The following YAP1 variants were observed in gnomAD, a reference collection of about 807,000 sequenced individuals.
YAP1 encodes transcriptional coactivator YAP1.
In YAP1, 5 loss-of-function variants were observed where a neutral mutation model predicts 56.9. The ratio of observed to expected loss-of-function variants is 0.09; its 90% confidence interval spans 0.05 to 0.18. YAP1 has a LOEUF of 0.18. YAP1 is among the 10% of genes least tolerant of loss of function. The pLI is 1.00. For missense variants in YAP1, 539 were observed against 651.8 expected, an observed-to-expected ratio of 0.83 and a Z score of 1.88; for synonymous variants, 265 against 248.1, an observed-to-expected ratio of 1.07 and a Z score of -0.64.
chr11:102,141,441 A>G (rs1945017774), intron 2 of YAP1, among the ~76,000 whole-genome samples: 1 of 152,220 alleles, frequency 6.6e-6, no homozygotes, highest in Non-Finnish European at 1.5e-5. Flanking sequence ...TTAGGAGGCA[A>G]GGTGGGTGCA....
At chr11:102,148,074 T>G (rs1323372983) in intron 2 of YAP1, among the ~76,000 whole-genome samples, 1 of 152,232 alleles carries the variant, frequency 6.6e-6, no homozygotes, top group Non-Finnish European at 1.5e-5. Context: ...TTATTTAGAA[T>G]AATTAACACA....
At position 102,186,009 on chromosome 11, in the gene YAP1, G is replaced by A. The variant is rs757972279; in HGVS notation, c.689-9G>A. Reference sequence around the variant, plus strand: ...AACCATGATTTTTTTTTTTTTTTCTGTATTATAGGTCCTCTTCCTGATGGA... The same window carrying A: ...AACCATGATTTTTTTTTTTTTTTCTATATTATAGGTCCTCTTCCTGATGGA... On this transcript the variant is annotated splice_polypyrimidine_tract_variant and intron_variant, in intron 3 of 8. Transcript: ENST00000282441. The A allele has an allele frequency of 5.2e-6, 7 of 1,333,620 alleles. No homozygotes were observed. Among genetic ancestry groups the A allele is most frequent in the Non-Finnish European group, 6.8e-6 (7 of 1,027,566 alleles). The allele number at this position is 1,333,620 out of a possible 1,614,324, so 82.6% of individuals were successfully genotyped here.
At chr11:102,192,092 A>G (rs1193116107) in intron 4 of YAP1, among the ~76,000 whole-genome samples, 1 of 152,128 alleles carries the variant, frequency 6.6e-6, no homozygotes, top group Admixed American at 6.5e-5. Context: ...CTTTCCCTTT[A>G]CTAGTTTACT....
intron 2 of YAP1, among the ~76,000 whole-genome samples, chr11:102,161,345 T>TACACAC (rs34552492): frequency 0.013 from 1,841 of 141,208 alleles, 29 homozygotes; most frequent in African/African-American, 0.036. Context: ...GTACTTTCAC[T>TACACAC]ACACACACAC....
At chr11:102,128,545 G>A (rs2003357) in intron 2 of YAP1, among the ~76,000 whole-genome samples, 76,579 of 152,046 alleles carry the variant, frequency 0.5, 21,096 homozygotes, top group South Asian at 0.67. Flanking sequence ...CTTTATCAGC[G>A]TTGTGAAAAT....
intron 3 of YAP1, among the ~76,000 whole-genome samples, chr11:102,183,617 G>A (rs1272284785): frequency 6.6e-6 from 1 of 151,966 alleles, no homozygotes; most frequent in East Asian, 1.9e-4. Context: ...TGAAGTGAGT[G>A]GAGCAGGTAG....
intron 6 of YAP1, among the ~76,000 whole-genome samples, chr11:102,212,372 C>G (rs904531539): frequency 2.6e-5 from 4 of 152,106 alleles, no homozygotes; most frequent in African/African-American, 4.8e-5. Flanking sequence ...CTCGTGTACA[C>G]TAACGTCAGT....
intron 6 of YAP1, among the ~76,000 whole-genome samples, chr11:102,209,827 T>C (rs2135619422): frequency 6.6e-6 from 1 of 152,314 alleles, no homozygotes; most frequent in East Asian, 1.9e-4. Flanking sequence ...TTTAAATGTA[T>C]TGTGTCTCAG....
chr11:102,225,051 C>T (rs1000544902), intron 7 of YAP1, among the ~76,000 whole-genome samples: 10 of 152,084 alleles, frequency 6.6e-5, no homozygotes, highest in African/African-American at 2.4e-4. Flanking sequence ...ATTTGAGATT[C>T]TATTTTCTGG....
At chr11:102,218,613 T>C (rs1219443209) in intron 6 of YAP1, among the ~76,000 whole-genome samples, 1 of 152,220 alleles carries the variant, frequency 6.6e-6, no homozygotes, top group African/African-American at 2.4e-5. Context: ...AAAGTGTCTT[T>C]TTTTCATTGA....
chr11:102,193,195 A>C (rs1164888382), intron 4 of YAP1, among the ~76,000 whole-genome samples: 1 of 152,244 alleles, frequency 6.6e-6, no homozygotes, highest in Admixed American at 6.5e-5. Flanking sequence ...AGAGATTGTT[A>C]GTAATTATTG....
intron 2 of YAP1, among the ~76,000 whole-genome samples, chr11:102,153,970 A>G (rs752525550): frequency 1.3e-4 from 20 of 152,162 alleles, no homozygotes; most frequent in Non-Finnish European, 2.4e-4. Flanking sequence ...GGCAGTCTCT[A>G]AGTGATCATG....
At chr11:102,129,599 CA>C (rs1944251201) in intron 2 of YAP1, among the ~76,000 whole-genome samples, 1 of 110,268 alleles carries the variant, frequency 9.1e-6, no homozygotes, top group Non-Finnish European at 1.7e-5. Context: ...GGCTGGGCAA[CA>C]GAGCGAGACT....
intron 3 of YAP1, among the ~76,000 whole-genome samples, chr11:102,164,397 A>G (rs900718800): frequency 2.0e-5 from 3 of 152,128 alleles, no homozygotes; most frequent in Admixed American, 1.3e-4. Context: ...GGCAACTATT[A>G]TGTTTTTTTA....
chr11:102,153,542 T>G (rs1273223126), intron 2 of YAP1, among the ~76,000 whole-genome samples: 1 of 152,206 alleles, frequency 6.6e-6, no homozygotes, highest in East Asian at 1.9e-4. Context: ...TTCTATGTGT[T>G]TATTATATGT....
chr11:102,113,452 A>G (rs905345151), intron 1 of YAP1, among the ~76,000 whole-genome samples: 4 of 152,198 alleles, frequency 2.6e-5, no homozygotes, highest in Admixed American at 2.0e-4. Context: ...TTCTGCTTGT[A>G]TAGAGTTGTG....
chr11:102,125,229 C>T (rs1943957611), intron 2 of YAP1, among the ~76,000 whole-genome samples: 1 of 151,884 alleles, frequency 6.6e-6, no homozygotes, highest in Non-Finnish European at 1.5e-5. Flanking sequence ...ACCATGTTGC[C>T]CAGGCTGGTG....
chr11:102,132,490 A>T (rs1944421817), intron 2 of YAP1, among the ~76,000 whole-genome samples: 1 of 152,246 alleles, frequency 6.6e-6, no homozygotes, highest in African/African-American at 2.4e-5. Context: ...ACTTGGTTTT[A>T]TTCACTGTTT....
chr11:102,161,053 CTTTTTTTTT>C (rs67023819), intron 2 of YAP1, among the ~76,000 whole-genome samples: 123 of 75,496 alleles, frequency 1.6e-3, no homozygotes, highest in Middle Eastern at 0.014. Flanking sequence ...TAATTTCTTT[CTTTTTTTTT>C]TTTTTTTTTT....
Sources: gnomAD v4.1 joint callset for allele counts (sites outside exome capture counted in the v4.1 genomes callset) on GRCh38, gnomAD v4.1.1 for gene constraint, MANE v1.5 for transcripts, NCBI Gene and HGNC (gene_info 2026-07-23, HGNC 2026-07-21) for gene names.